FPR3: variants seen among roughly 807,000 people sequenced by gnomAD.
FPR3 encodes formyl peptide receptor 3, also known as N-formyl peptide receptor 3.
For synonymous variants in FPR3, 135 were observed against 163.6 expected (o/e 0.83, Z 1.34); for missense variants, 346 against 443.2 (o/e 0.78, Z 1.97).
chr19:51,798,864 C>T (rs563848908), intron 1 of FPR3, among the ~76,000 whole-genome samples: 4 of 152,230 alleles, frequency 2.6e-5, no homozygotes, highest in Non-Finnish European at 4.4e-5. Flanking sequence ...CTTGGCTGGG[C>T]GTGGTGGCTC....
At chr19:51,813,158 A>ACACC (rs2084110000) in intron 1 of FPR3, among the ~76,000 whole-genome samples, 1 of 149,200 alleles carries the variant, frequency 6.7e-6, no homozygotes, top group Non-Finnish European at 1.5e-5. Context: ...ACACACACAC[A>ACACC]CACCCCATAA....
At chr19:51,795,501 A>ATTTTTTTTTTTTTTT (rs1361472024) in intron 1 of FPR3, among the ~76,000 whole-genome samples, 170 bp downstream of exon 1, 21 of 77,070 alleles carry the variant, frequency 2.7e-4, no homozygotes, top group East Asian at 7.1e-4. Context: ...TTCCAGTAAC[A>ATTTTTTTTTTTTTTT]TTCTTTTTTT....
At chr19:51,820,858 A>G (rs2084182988) in intron 1 of FPR3, among the ~76,000 whole-genome samples, 1 of 152,186 alleles carries the variant, frequency 6.6e-6, no homozygotes, top group South Asian at 2.1e-4. Flanking sequence ...GTCAATATTC[A>G]CCGTGTCTCA....
intron 1 of FPR3, among the ~76,000 whole-genome samples, chr19:51,808,379 A>C (rs1043917363): frequency 1.3e-5 from 2 of 152,190 alleles, no homozygotes; most frequent in Non-Finnish European, 2.9e-5. Context: ...GATTCCATTT[A>C]GTCAAAGCCT....
At chr19:51,819,044 G>T (rs557497165) in intron 1 of FPR3, among the ~76,000 whole-genome samples, 1 of 152,226 alleles carries the variant, frequency 6.6e-6, no homozygotes, top group East Asian at 1.9e-4. Flanking sequence ...CATTCAGCAT[G>T]TTCTGTAGAT....
chr19:51,810,975 A>G (rs2084092760), intron 1 of FPR3, among the ~76,000 whole-genome samples: 1 of 152,176 alleles, frequency 6.6e-6, no homozygotes, highest in African/African-American at 2.4e-5. Flanking sequence ...AGGAGGCAAT[A>G]CAGATGTTTC....
intron 1 of FPR3, among the ~76,000 whole-genome samples, chr19:51,821,794 CA>C (rs1402332490): frequency 6.6e-6 from 1 of 151,348 alleles, no homozygotes; most frequent in African/African-American, 2.4e-5. Flanking sequence ...AAAAAACCTA[CA>C]AAAACCCCAA....
In FPR3 at chr19:51,824,009, G is replaced by C. The variant is rs779215430; in HGVS notation, c.261G>C (p.Met87Ile). 6.2e-7 allele frequency: 1 copy of C among 1,614,134 alleles called. No homozygotes were observed. The highest frequency in any genetic ancestry group is 8.5e-7 in the Non-Finnish European group (1 of 1,179,982). ...ILPFRMVSVA[M>I]REKWPFGSFL... is the part of the protein sequence containing the mutation. ...CATTCCGAATGGTCTCAGTCGCCAT[G>C]AGAGAAAAATGGCCTTTTGGCTCAT... Residue 87 changes from methionine to isoleucine, a missense_variant, in exon 2 of 2, where the codon ATG becomes ATC. Coordinates refer to ENST00000339223, the MANE Select transcript of FPR3 (RefSeq NM_002030.5). This position sits in a 1 kb window ranked among gnomAD's most constrained non-coding sequence, Gnocchi z 4.7.
chr19:51,798,589 G>A (rs577181658), intron 1 of FPR3, among the ~76,000 whole-genome samples: 11 of 152,278 alleles, frequency 7.2e-5, no homozygotes, highest in Non-Finnish European at 1.5e-4. Flanking sequence ...GCACTTGAGC[G>A]TGCAAAGGTA....
At chr19:51,808,365 T>C (rs1183936219) in intron 1 of FPR3, among the ~76,000 whole-genome samples, 2 of 152,220 alleles carry the variant, frequency 1.3e-5, no homozygotes, top group East Asian at 3.8e-4. Flanking sequence ...TAGAGCTATT[T>C]TGAGATTCCA....
intron 1 of FPR3, among the ~76,000 whole-genome samples, chr19:51,815,421 A>G (rs1027034275): frequency 6.6e-6 from 1 of 152,108 alleles, no homozygotes; most frequent in Non-Finnish European, 1.5e-5. Context: ...TTAGCCAGGC[A>G]TGGTGATGTG....
intron 1 of FPR3, among the ~76,000 whole-genome samples, chr19:51,815,693 AC>A (rs921235272): frequency 3.3e-5 from 5 of 151,456 alleles, no homozygotes; most frequent in African/African-American, 7.3e-5. Context: ...ACATGGCGAA[AC>A]CCTGTTTGTA....
At chr19:51,817,205 TC>T (rs2084143282) in intron 1 of FPR3, among the ~76,000 whole-genome samples, 1 of 152,174 alleles carries the variant, frequency 6.6e-6, no homozygotes, top group South Asian at 2.1e-4. Context: ...GCTCCATTGT[TC>T]CCTTGTCCTT....
In FPR3 at chr19:51,824,666, T is replaced by C; in HGVS notation, c.918T>C (p.Gly306=). The change falls in exon 2 of 2, where the codon GGT becomes GGC. Residue 306 remains glycine, a synonymous_variant. Coordinates refer to ENST00000339223, the MANE Select transcript of FPR3 (RefSeq NM_002030.5). This position sits in a 1 kb window ranked among gnomAD's most constrained non-coding sequence, Gnocchi z 4.7. ...ACCCAATTCTCTACGTCTTTATGGG[T>C]CGTAACTTCCAAGAAAGACTGATTC... The part of the protein sequence containing the change: ...CLNPILYVFM[G]RNFQERLIRS... 3.7e-6 allele frequency: 6 copies of C among 1,614,092 alleles called. No homozygotes were observed. The highest frequency in any genetic ancestry group is 1.1e-5 in the South Asian group (1 of 91,082).
chr19:51,821,036 G>A (rs936009550), intron 1 of FPR3, among the ~76,000 whole-genome samples: 1 of 152,114 alleles, frequency 6.6e-6, no homozygotes, highest in Non-Finnish European at 1.5e-5. Flanking sequence ...CAAAAGGCAC[G>A]ACCCAGGATT....
At chr19:51,816,897 T>C (rs1274593970) in intron 1 of FPR3, among the ~76,000 whole-genome samples, 2 of 152,218 alleles carry the variant, frequency 1.3e-5, no homozygotes, top group Non-Finnish European at 2.9e-5. Context: ...TGTGTGTAAA[T>C]AGAGAAGTGA....
chr19:51,814,318 T>C (rs1008951216), intron 1 of FPR3, among the ~76,000 whole-genome samples: 7 of 152,206 alleles, frequency 4.6e-5, no homozygotes, highest in African/African-American at 1.7e-4. Flanking sequence ...TTAAGATATT[T>C]GAACTAAATT....
chr19:51,816,777 G>C (rs766580329), intron 1 of FPR3, among the ~76,000 whole-genome samples: 1 of 152,160 alleles, frequency 6.6e-6, no homozygotes, highest in Non-Finnish European at 1.5e-5. Context: ...GCTATCTCCA[G>C]TTAGACAGCA....
rs866072238 is a variant in FPR3 at position 51,825,623 on chromosome 19, T to G, written c.*813T>G. ...CAGAAACCATGGGCTAAAACCAACA[T>G]ACATCTTAATACCAGATACCCTAAT... On this transcript the variant is annotated 3_prime_UTR_variant, in exon 2 of 2. Coordinates refer to ENST00000339223, the MANE Select transcript of FPR3 (RefSeq NM_002030.5). 6.0e-6 allele frequency: 1 copy of G among 167,140 alleles called. No individual in the cohort carries two copies. The highest frequency in any genetic ancestry group is 6.5e-5 in the Admixed American group (1 of 15,292). 10.4% of individuals were successfully genotyped at this position (167,140 alleles called of 1,614,324 possible). A position where few individuals can be genotyped will look rare whatever the true frequency, so the allele number is the denominator to read the frequency against.
Sources: allele counts gnomAD v4.1 joint callset (sites outside exome capture counted in the v4.1 genomes callset), GRCh38; gene constraint gnomAD v4.1.1; non-coding constraint Gnocchi (gnomAD v3.1); transcripts MANE v1.5; gene names NCBI Gene and HGNC (gene_info 2026-07-23, HGNC 2026-07-21).